The following TRMT1 variants were observed in gnomAD, a reference collection of about 807,000 sequenced individuals.
TRMT1 encodes the protein tRNA (guanine(26)-N(2))-dimethyltransferase.
TRMT1 carries 63 observed loss-of-function variants against 75.4 expected under a neutral mutation model. The observed-to-expected ratio is 0.84, with a 90% CI of 0.68 to 1.03. The LOEUF is 1.03. TRMT1 is among the 50% of genes least tolerant of loss of function. The probability of loss-of-function intolerance (pLI) is 0.00; values close to 1 mark genes in which losing one functional copy is unlikely to be tolerated. For missense variants in TRMT1, 870 were observed against 905.3 expected (o/e 0.96, Z 0.50); for synonymous variants, 382 against 358.1 (o/e 1.07, Z -0.75).
At chr19:13,110,381 C>A (rs999591249) in intron 7 of TRMT1, 75 bp from the exon 8 acceptor site, 1 of 1,474,918 alleles carries the variant, frequency 6.8e-7, no homozygotes, top group Non-Finnish European at 9.1e-7. Context: ...GTGGTACTCA[C>A]AAGTACAGGC....
intron 14 of TRMT1, among the ~76,000 whole-genome samples, chr19:13,107,030 G>C (rs1428296349): frequency 6.9e-6 from 1 of 145,800 alleles, no homozygotes; most frequent in Non-Finnish European, 1.5e-5. Flanking sequence ...TAGAGACAGG[G>C]TTTCACTGTG....
At position 13,104,991 on chromosome 19, in the gene TRMT1, T is replaced by C. The variant is rs759941917; in HGVS notation, c.1924A>G (p.Thr642Ala). 1.9e-6 allele frequency: 3 copies of C among 1,613,144 alleles called. No homozygotes were observed. In the African/African-American group the frequency reaches 4.0e-5, roughly 22 times the overall value. ...SADAAPDCPE[T>A]SNQTPPGPGA... ...GGTCCAGGGGGGGTCTGGTTGGAGGTCTCTGGACAGTCAGGGGCAGCATCA... is the reference window on the plus strand; with the variant it reads ...GGTCCAGGGGGGGTCTGGTTGGAGGCCTCTGGACAGTCAGGGGCAGCATCA... Residue 642 changes from threonine to alanine, a missense_variant, in exon 17 of 17, where the codon ACC (threonine) becomes GCC (alanine). By Grantham distance (58) the Thr-to-Ala change is moderately conservative. Transcript: ENST00000357720.
intron 12 of TRMT1, among the ~76,000 whole-genome samples, chr19:13,108,807 A>G (rs1331993339): frequency 2.8e-5 from 4 of 143,922 alleles, no homozygotes. Context: ...ACAGGGTTTA[A>G]CCATTTTGAC....
At position 13,109,603 on chromosome 19, in the gene TRMT1, C is replaced by T. The variant is rs574964671; in HGVS notation, c.1258G>A (p.Gly420Ser). 1.2e-5 allele frequency: 20 copies of T among 1,613,932 alleles called. No individual in the cohort carries two copies. The highest frequency in any genetic ancestry group is 6.7e-5 in the Admixed American group (4 of 60,002). The change falls in exon 11 of 17, where the codon GGC becomes AGC. Residue 420 changes from glycine to serine, a missense_variant. Transcript: ENST00000357720. ...ATCCGCTCCGAGGTGTGGAAGCGGC[C>T]GGGGTTAGCGCTCACAGCCTCCAGG... is the stretch of plus-strand genomic sequence containing the variant. ...RVLEAVSANP[G>S]RFHTSERIRG...
chr19:13,114,208 C>A (rs1453846644), intron 5 of TRMT1, among the ~76,000 whole-genome samples: 1 of 152,130 alleles, frequency 6.6e-6, no homozygotes, highest in African/African-American at 2.4e-5. Flanking sequence ...AAAAAACATT[C>A]TTGGGTTGTG....
chr19:13,107,506 G>A lies in TRMT1; in HGVS notation c.1583+68C>T, dbSNP rs982885518. ...GTCTGTGTGGGGCAGCATCTGTGTT[G>A]TCTGCACACACATGTGCTTCCATGT... On this transcript the variant is annotated intron_variant, in intron 14 of 16. Coordinates refer to ENST00000357720, the MANE Select transcript of TRMT1 (RefSeq NM_001136035.4). The A allele has an allele frequency of 4.0e-4, 607 of 1,506,402 alleles. 1 individual carries two copies. The highest frequency in any genetic ancestry group is 9.2e-4 in the South Asian group (77 of 84,030). The allele number at this position is 1,506,402 out of a possible 1,614,324, so 93.3% of individuals were successfully genotyped here.
At position 13,109,650 on chromosome 19, in the gene TRMT1, T is replaced by A. The variant is rs2019051552; in HGVS notation, c.1211A>T (p.Asp404Val). 6.2e-7 allele frequency: 1 copy of A among 1,613,788 alleles called. No individual in the cohort carries two copies. Among genetic ancestry groups the A allele is most frequent in the African/African-American group, 1.3e-5 (1 of 74,852 alleles). Reference sequence around the variant, plus strand: ...CAGGACACGGCCCACAAAATCCAGGTCATGGATGGGCTCTGCCCACATGGG... The same window carrying A: ...CAGGACACGGCCCACAAAATCCAGGACATGGATGGGCTCTGCCCACATGGG... ...GGPMWAEPIHDLDFVGRVLEA... is the reference protein window; with the variant it reads ...GGPMWAEPIHVLDFVGRVLEA... Residue 404 changes from aspartate to valine, a missense_variant, in exon 11 of 17, where the codon GAC becomes GTC. By Grantham distance (152) the Asp-to-Val change is radical. Transcript: ENST00000357720.
Position 13,109,778 on chromosome 19 carries a change from T to A in TRMT1, c.1167A>T (p.Gln389His). 6.2e-7 allele frequency: 1 copy of A among 1,614,046 alleles called. No individual in the cohort carries two copies. Among genetic ancestry groups the A allele is most frequent in the Non-Finnish European group, 8.5e-7 (1 of 1,180,002 alleles). Residue 389 changes from glutamine to histidine, a missense_variant, in exon 10 of 17, where the codon CAA becomes CAT. Gln to His is a conservative substitution (Grantham distance 24). Transcript: ENST00000357720. ...CCTGGCCTAGCCCTACCTGGTGTCG[T>A]TGCCCACAGTGTTCACACTCGGGGG... The part of the protein sequence containing the change: ...PVTPECEHCG[Q>H]RHQLGGPMWA...
At chr19:13,105,166 C>T (rs889531945) in intron 16 of TRMT1, 85 bp from the exon 17 acceptor site, 62 of 1,554,252 alleles carry the variant, frequency 4.0e-5, no homozygotes, top group Non-Finnish European at 5.3e-5. Context: ...GAAGCCCACT[C>T]CCAAACACTT....
chr19:13,116,517 G>A lies in TRMT1; in HGVS notation c.-32-86C>T, dbSNP rs879458989. 6 of 1,398,696 alleles carry A rather than the reference G, an allele frequency of 4.3e-6. No individual in the cohort carries two copies. The South Asian group carries it at 7.0e-5, about 16-fold the overall frequency. 86.6% of individuals were successfully genotyped at this position (1,398,696 alleles called of 1,614,324 possible). A position where few individuals can be genotyped will look rare whatever the true frequency, so the allele number is the denominator to read the frequency against. Reference sequence around the variant, plus strand: ...GATGTCCTACATATCTATGAGGTAGGGACTAGGAAAACCTGCGGCCTCGGT... The same window carrying A: ...GATGTCCTACATATCTATGAGGTAGAGACTAGGAAAACCTGCGGCCTCGGT... On this transcript the variant is annotated intron_variant, in intron 1 of 16. Transcript: ENST00000357720.
chr19:13,108,437 T>A (rs1263486990), intron 12 of TRMT1, among the ~76,000 whole-genome samples: 1 of 152,008 alleles, frequency 6.6e-6, no homozygotes, highest in East Asian at 1.9e-4. Context: ...ATTACAGGGA[T>A]GTGCCATGAC....
intron 5 of TRMT1, 45 bp from the exon 6 acceptor site, chr19:13,113,056 C>A (rs375015641): frequency 1.4e-6 from 2 of 1,472,026 alleles, no homozygotes; most frequent in Non-Finnish European, 1.9e-6. Flanking sequence ...ACGCCAGGTA[C>A]CTTCTCTGTC....
At chr19:13,106,981 GC>G (rs1382000173) in intron 14 of TRMT1, among the ~76,000 whole-genome samples, 4 of 135,906 alleles carry the variant, frequency 2.9e-5, no homozygotes. Context: ...CTGCCACCAC[GC>G]CCGGCTAATT....
intron 7 of TRMT1, among the ~76,000 whole-genome samples, chr19:13,111,393 T>TC (rs2019133591): frequency 6.6e-6 from 1 of 151,242 alleles, no homozygotes; most frequent in Non-Finnish European, 1.5e-5. Flanking sequence ...TTTTTTTTTT[T>TC]TTTTTTTGAG....
Position 13,105,263 on chromosome 19 carries a change from T to C in TRMT1, c.1833+4A>G. 1.9e-6 allele frequency: 3 copies of C among 1,612,162 alleles called. No individual in the cohort carries two copies. The highest frequency in any genetic ancestry group is 2.5e-6 in the Non-Finnish European group (3 of 1,178,902). Reference sequence around the variant, plus strand: ...CAGTGGAGGAAAGGGAGGAGGGACCTCACCTCCTTAAACCTCTTGCAAGGA... The same window carrying C: ...CAGTGGAGGAAAGGGAGGAGGGACCCCACCTCCTTAAACCTCTTGCAAGGA... On this transcript the variant is annotated splice_donor_region_variant and intron_variant, in intron 16 of 16. Coordinates refer to ENST00000357720, the MANE Select transcript of TRMT1 (RefSeq NM_001136035.4).
At chr19:13,116,480 T>C in intron 1 of TRMT1, 49 bp from the exon 2 acceptor site, 1 of 1,523,454 alleles carries the variant, frequency 6.6e-7, no homozygotes, top group Non-Finnish European at 8.8e-7. Flanking sequence ...AGAGCCGCAT[T>C]CCGGGCCCGG....
chr19:13,109,336 C>T (rs1443108975), intron 12 of TRMT1, 45 bp downstream of exon 12: 3 of 1,609,786 alleles, frequency 1.9e-6, no homozygotes, highest in African/African-American at 1.3e-5. Context: ...CCCCAGGCCA[C>T]CCTGTGGTCT....
chr19:13,113,510 A>T (rs2019219920), intron 5 of TRMT1, among the ~76,000 whole-genome samples: 1 of 152,104 alleles, frequency 6.6e-6, no homozygotes, highest in East Asian at 1.9e-4. Flanking sequence ...GAAAAGCACC[A>T]TGTGGAACTC....
chr19:13,116,200 G>A lies in TRMT1; in HGVS notation c.200C>T (p.Pro67Leu), dbSNP rs765843760. The part of the protein sequence containing the change: ...VTEGAAKIAF[P>L]SANEVFYNPV... ...GTTATAAAAGACCTCGTTGGCACTG[G>A]GAAAGGCGATTTTGGCAGCCCCCTC... The change falls in exon 2 of 17, where the codon CCC becomes CTC. Residue 67 changes from proline to leucine, a missense_variant. Pro to Leu is a moderately conservative substitution (Grantham distance 98, BLOSUM62 -3). Transcript: ENST00000357720. 1.2e-6 allele frequency: 2 copies of A among 1,614,064 alleles called. No individual in the cohort carries two copies. The highest frequency in any genetic ancestry group is 2.7e-5 in the African/African-American group (2 of 74,932).
Sources: gnomAD v4.1 joint callset for allele counts (sites outside exome capture counted in the v4.1 genomes callset) on GRCh38, gnomAD v4.1.1 for gene constraint, MANE v1.5 for transcripts, NCBI Gene and HGNC (gene_info 2026-07-23, HGNC 2026-07-21) for gene names.